NR6A1: variants seen among roughly 807,000 people sequenced by gnomAD.
NR6A1 encodes the protein nuclear receptor subfamily 6 group A member 1, also known as retinoic acid receptor-related testis-associated receptor.
NR6A1 carries 7 observed loss-of-function variants against 59.1 expected under a neutral mutation model. That is an observed-to-expected ratio of 0.12 (90% CI 0.07 to 0.22). NR6A1 has a LOEUF of 0.22. Ranked by LOEUF, NR6A1 falls within the 10% of genes least tolerant of loss-of-function variation. The pLI is 1.00. For synonymous variants in NR6A1, 243 were observed against 236.1 expected (o/e 1.03, Z -0.27); for missense variants, 468 against 611.6 (o/e 0.77, Z 2.48).
chr9:124,598,288 G>A (rs1835335270), intron 2 of NR6A1, among the ~76,000 whole-genome samples: 1 of 151,636 alleles, frequency 6.6e-6, no homozygotes. Flanking sequence ...AGTGCGCTAT[G>A]ATTGTGGCCT....
intron 1 of NR6A1, among the ~76,000 whole-genome samples, chr9:124,755,082 C>T (rs1840599651): frequency 6.6e-6 from 1 of 152,178 alleles, no homozygotes; most frequent in African/African-American, 2.4e-5. Flanking sequence ...TAATTTTTAA[C>T]CCCTGCCCTC....
At chr9:124,706,551 C>T (rs1216243893) in intron 2 of NR6A1, among the ~76,000 whole-genome samples, 1 of 151,462 alleles carries the variant, frequency 6.6e-6, no homozygotes, top group East Asian at 2.0e-4. Flanking sequence ...CTCGCCCTGT[C>T]GCCAGGCTGG....
Position 124,519,805 on chromosome 9 carries a change from G to C in NR6A1, c.*2900C>G, listed in dbSNP as rs1371078158. The C allele has an allele frequency of 6.6e-6, 1 of 150,678 alleles. No individual in the cohort carries two copies. Among genetic ancestry groups the C allele is most frequent in the Non-Finnish European group, 1.5e-5 (1 of 67,968 alleles). The allele number at this position is 150,678 out of a possible 1,614,324, so 9.3% of individuals were successfully genotyped here. ...TAGTCCCAGCTACTCAGGAGGCTGA[G>C]GCAGGAGAATGGCATGAACCCGGGA... is the stretch of plus-strand genomic sequence containing the variant. On this transcript the variant is annotated 3_prime_UTR_variant, in exon 10 of 10. Coordinates refer to ENST00000487099, the MANE Select transcript of NR6A1 (RefSeq NM_033334.4).
intron 2 of NR6A1, among the ~76,000 whole-genome samples, chr9:124,557,157 C>T (rs1833952905): frequency 6.6e-6 from 1 of 152,080 alleles, no homozygotes; most frequent in Admixed American, 6.5e-5. Flanking sequence ...TGAGACGGAT[C>T]TCACTCTGTA....
intron 1 of NR6A1, among the ~76,000 whole-genome samples, chr9:124,759,174 T>C (rs1172832789): frequency 6.6e-6 from 1 of 152,280 alleles, no homozygotes; most frequent in Non-Finnish European, 1.5e-5. Context: ...AATCACCTTC[T>C]GTATTTTATA....
intron 2 of NR6A1, chr9:124,598,678 GGAAA>G (rs1288043148): frequency 1.0e-4 from 47 of 449,630 alleles, no homozygotes; most frequent in African/African-American, 9.7e-4. Flanking sequence ...AACAAGGAAG[GGAAA>G]GAGAGGAAAA....
chr9:124,711,844 C>G (rs1171753936), intron 2 of NR6A1, among the ~76,000 whole-genome samples: 4 of 152,190 alleles, frequency 2.6e-5, no homozygotes, highest in African/African-American at 9.7e-5. Flanking sequence ...CCAGGCTGGT[C>G]TTGAACTCTG....
chr9:124,651,220 T>TA (rs1837093075), intron 2 of NR6A1, among the ~76,000 whole-genome samples: 11 of 152,004 alleles, frequency 7.2e-5, no homozygotes. Flanking sequence ...CTATGCCTGG[T>TA]TAATTTTTGT....
intron 7 of NR6A1, among the ~76,000 whole-genome samples, chr9:124,532,160 CTG>C (rs1303960661): frequency 1.3e-5 from 2 of 152,226 alleles, no homozygotes; most frequent in Non-Finnish European, 2.9e-5. Context: ...CCTCATTTCT[CTG>C]TCTTAGATAC....
At position 124,538,207 on chromosome 9, in the gene NR6A1, G is replaced by T; in HGVS notation, c.709C>A (p.Pro237Thr). Residue 237 changes from proline (P) to threonine (T), a missense_variant, in exon 6 of 10, where the codon CCA becomes ACA. By Grantham distance (38) the Pro-to-Thr change is conservative (BLOSUM62 -1). This residue lies in a region of NR6A1 where 151 missense variants were observed against 142.8 expected (regional missense o/e 1.06). Transcript: ENST00000487099. ...PHLFSYSGHSPLLPQQARSLD... is the reference protein window; with the variant it reads ...PHLFSYSGHSTLLPQQARSLD... ...CTGCGAGCTTGTTGGGGCAGAAGTGGTGAGTGGCCAGAATAGCTAAAAAGG... is the reference window on the plus strand; with the variant it reads ...CTGCGAGCTTGTTGGGGCAGAAGTGTTGAGTGGCCAGAATAGCTAAAAAGG... The T allele has an allele frequency of 6.2e-7, 1 of 1,614,220 alleles. No individual in the cohort carries two copies. The highest frequency in any genetic ancestry group is 8.5e-7 in the Non-Finnish European group (1 of 1,180,042).
intron 1 of NR6A1, among the ~76,000 whole-genome samples, chr9:124,742,953 T>C (rs1001643612): frequency 7.9e-5 from 12 of 152,240 alleles, no homozygotes; most frequent in African/African-American, 2.7e-4. Context: ...TAGCCATCCA[T>C]AGACCTCCTT....
chr9:124,551,719 A>T (rs1564175400), intron 3 of NR6A1, among the ~76,000 whole-genome samples: 3 of 152,174 alleles, frequency 2.0e-5, no homozygotes, highest in Non-Finnish European at 2.9e-5. Flanking sequence ...CTGCCCTTTA[A>T]CCCCCAAAAC....
In NR6A1 at chr9:124,666,399, C is replaced by T. The variant is rs542225212; in HGVS notation, c.142+66909G>A. Among the ~76,000 whole-genome samples the T allele has an allele frequency of 2.6e-5, 4 of 151,716 alleles. No homozygotes were observed. In the East Asian group the frequency reaches 5.9e-4, roughly 22 times the overall value. ...AGACAAGCAATTCTCCTGCCTCAAC[C>T]TCCCAAGTAGCTGGGACCACAGGCA... On this transcript the variant is annotated intron_variant, in intron 2 of 9. Coordinates refer to ENST00000487099, the MANE Select transcript of NR6A1 (RefSeq NM_033334.4).
chr9:124,771,218 A>T lies in NR6A1; in HGVS notation c.-99T>A. 4 of 623,702 alleles carry T rather than the reference A, an allele frequency of 6.4e-6. No individual in the cohort carries two copies. Among genetic ancestry groups the T allele is most frequent in the African/African-American group, 5.7e-5 (3 of 52,804 alleles). The allele number at this position is 623,702 out of a possible 1,614,324, so 38.6% of individuals were successfully genotyped here. ...CCGCCGAGGGGAGGAGGTTGTCAGG[A>T]GCCCGCGAGCTCCCGGCCGCGGCTC... On this transcript the variant is annotated 5_prime_UTR_variant, in exon 1 of 10. Transcript: ENST00000487099.
intron 2 of NR6A1, among the ~76,000 whole-genome samples, chr9:124,649,078 C>T (rs924843689): frequency 3.3e-5 from 5 of 151,728 alleles, no homozygotes; most frequent in Admixed American, 1.3e-4. Context: ...TGACATTCTT[C>T]GCAGAAATAG....
intron 2 of NR6A1, among the ~76,000 whole-genome samples, chr9:124,668,977 A>C (rs1025761505): frequency 6.6e-6 from 1 of 152,246 alleles, no homozygotes; most frequent in South Asian, 2.1e-4. Flanking sequence ...AAACATAAGT[A>C]GGGATCTCCC....
At chr9:124,593,883 A>C (rs774578640) in intron 2 of NR6A1, among the ~76,000 whole-genome samples, 1 of 152,152 alleles carries the variant, frequency 6.6e-6, no homozygotes, top group Non-Finnish European at 1.5e-5. Context: ...ATTCTGAAAG[A>C]TAGCTTAAGA....
chr9:124,729,959 T>A (rs1588835535), intron 2 of NR6A1, among the ~76,000 whole-genome samples: 1 of 152,088 alleles, frequency 6.6e-6, no homozygotes, highest in African/African-American at 2.4e-5. Flanking sequence ...ATTACAGGCA[T>A]GCGCCACCAC....
intron 2 of NR6A1, among the ~76,000 whole-genome samples, chr9:124,559,875 TAAAAC>T (rs1314438218): frequency 5.9e-5 from 9 of 152,200 alleles, no homozygotes; most frequent in African/African-American, 1.9e-4. Context: ...AAATCTCTCT[TAAAAC>T]AAAGTATCCA....
Sources: allele counts gnomAD v4.1 joint callset (sites outside exome capture counted in the v4.1 genomes callset), GRCh38; gene constraint gnomAD v4.1.1; regional missense constraint gnomAD v4.1.1; transcripts MANE v1.5; gene names NCBI Gene and HGNC (gene_info 2026-07-23, HGNC 2026-07-21).